The following MSL2 variants were observed in gnomAD, a reference collection of about 807,000 sequenced individuals.
The protein encoded by MSL2 is E3 ubiquitin-protein ligase MSL2.
A neutral mutation model predicts 35.8 loss-of-function variants in MSL2; 2 were observed. The ratio of observed to expected loss-of-function variants is 0.06; its 90% CI spans 0.02 to 0.18. The LOEUF (loss-of-function observed/expected upper bound fraction) is 0.18. Among genes scored for constraint, MSL2 ranks in the 10% least tolerant of loss-of-function variants. The pLI is 1.00. For missense variants in MSL2, 523 were observed against 706.7 expected (o/e 0.74, Z 2.95); for synonymous variants, 296 against 255.7 (o/e 1.16, Z -1.50).
intron 1 of MSL2, among the ~76,000 whole-genome samples, chr3:136,188,109 G>A (rs919856769): frequency 3.3e-5 from 5 of 152,036 alleles, no homozygotes; most frequent in African/African-American, 1.2e-4. Context: ...GTTTACACAA[G>A]CCAAAGGTTT....
rs140142625 is a variant in MSL2, at chr3:136,175,844, T to G, written c.142+19128A>C. Among the ~76,000 whole-genome samples, 296 of 152,304 alleles carry G rather than the reference T, an allele frequency of 1.9e-3. 2 individuals are homozygous for G. The highest frequency in any genetic ancestry group is 6.7e-3 in the African/African-American group (280 of 41,576). On this transcript the variant is annotated intron_variant, in intron 1 of 1. Transcript: ENST00000309993. Reference sequence around the variant, plus strand: ...ACATTTCTCCTTCCTCCATTACATATGTAAATAATTCCTGGGACCCAGCTA... The same window carrying G: ...ACATTTCTCCTTCCTCCATTACATAGGTAAATAATTCCTGGGACCCAGCTA...
At chr3:136,155,983 C>T (rs1190198857) in intron 1 of MSL2, 5 of 393,564 alleles carry the variant, frequency 1.3e-5, no homozygotes, top group Admixed American at 5.8e-5. Context: ...ATAATGAATA[C>T]ATTTCCATAA....
chr3:136,176,791 C>T (rs886537635), intron 1 of MSL2, among the ~76,000 whole-genome samples: 1 of 152,110 alleles, frequency 6.6e-6, no homozygotes, highest in African/African-American at 2.4e-5. Flanking sequence ...TTCTTGAGAC[C>T]CTCACCAGAA....
At position 136,152,110 on chromosome 3, in the gene MSL2, A is replaced by C; in HGVS notation, c.771T>G (p.Ser257Arg). Residue 257 changes from serine (S) to arginine (R), a missense_variant, in exon 2 of 2, where the codon AGT becomes AGG. Physicochemically the swap from Ser to Arg is moderately radical, Grantham distance 110. Transcript: ENST00000309993. ...CSTGIDICSF[S>R]EDIKPGDSLL... ...GAGAGTCTCCAGGTTTTATATCTTC[A>C]CTGAAACTGCAGATATCAATGCCTG... 2 of 1,614,168 alleles carry C rather than the reference A, an allele frequency of 1.2e-6. No individual in the cohort carries two copies. Among genetic ancestry groups the C allele is most frequent in the Non-Finnish European group, 1.7e-6 (2 of 1,180,036 alleles).
rs113406830 is a variant in MSL2 at position 136,168,698 on chromosome 3, C to G, written c.143-15960G>C. ...GCAGCAAACCACCATGGCACGTGTA[C>G]ACCTATGTAACAAACCTGCACGTTC... On this transcript the variant is annotated intron_variant, in intron 1 of 1. Transcript: ENST00000309993. 1.6e-4 allele frequency among the ~76,000 whole-genome samples: 25 copies of G among 151,912 alleles called. 1 individual carries two copies. The highest frequency in any genetic ancestry group is 6.0e-4 in the African/African-American group (25 of 41,422).
At chr3:136,160,690 C>T (rs1383475949) in intron 1 of MSL2, among the ~76,000 whole-genome samples, 1 of 148,672 alleles carries the variant, frequency 6.7e-6, no homozygotes, top group East Asian at 2.0e-4. Flanking sequence ...GCCTGGGAGA[C>T]ACAGCAAGCC....
chr3:136,178,431 AC>A (rs1407378088), intron 1 of MSL2, among the ~76,000 whole-genome samples: 2 of 152,122 alleles, frequency 1.3e-5, no homozygotes, highest in African/African-American at 4.8e-5. Flanking sequence ...TTGCTTTATT[AC>A]CCTCTTAAGA....
At chr3:136,194,889 G>C (rs768091813) in intron 1 of MSL2, 83 bp downstream of exon 1, 137 of 1,582,100 alleles carry the variant, frequency 8.7e-5, no homozygotes, top group Non-Finnish European at 1.2e-4. Flanking sequence ...CCAACCACCA[G>C]GCCGTCAACC....
intron 1 of MSL2, among the ~76,000 whole-genome samples, chr3:136,154,734 A>C (rs1211094167): frequency 6.6e-6 from 1 of 152,206 alleles, no homozygotes; most frequent in African/African-American, 2.4e-5. Flanking sequence ...TTTAGTGGGA[A>C]ATCTATAGCT....
In MSL2 at chr3:136,150,886, TCA is replaced by T; in HGVS notation, c.*259_*260del. ...TTAATGTTATTTTTCTTGCCAAAGTTCATTTTGTATAAATCAGTTGCATCAGC... is the reference window on the plus strand; with the variant it reads ...TTAATGTTATTTTTCTTGCCAAAGTTTTTTGTATAAATCAGTTGCATCAGC... On this transcript the variant is annotated 3_prime_UTR_variant, in exon 2 of 2. Coordinates refer to ENST00000309993, the MANE Select transcript of MSL2 (RefSeq NM_018133.4). 2.4e-6 allele frequency: 1 copy of T among 412,320 alleles called. No individual in the cohort carries two copies. The allele number at this position is 412,320 out of a possible 1,614,324, so 25.5% of individuals were successfully genotyped here.
At chr3:136,158,939 G>C (rs986366484) in intron 1 of MSL2, among the ~76,000 whole-genome samples, 8 of 152,160 alleles carry the variant, frequency 5.3e-5, no homozygotes, top group African/African-American at 1.7e-4. Flanking sequence ...AAACACAGCT[G>C]AAAGAAATTA....
intron 1 of MSL2, among the ~76,000 whole-genome samples, chr3:136,177,064 A>G (rs1019907186): frequency 1.1e-4 from 17 of 152,292 alleles, no homozygotes; most frequent in African/African-American, 4.1e-4. Flanking sequence ...ATTGAGCAGC[A>G]CTTAAAACCT....
intron 1 of MSL2, chr3:136,152,970 T>C (rs1337237753): frequency 1.0e-6 from 1 of 985,308 alleles, no homozygotes; most frequent in African/African-American, 1.7e-5. Context: ...CTTGATTCTG[T>C]GTCTCTCTCC....
chr3:136,150,085 A>G lies in MSL2; in HGVS notation c.*1062T>C, dbSNP rs1939307580. On this transcript the variant is annotated 3_prime_UTR_variant, in exon 2 of 2. Coordinates refer to ENST00000309993, the MANE Select transcript of MSL2 (RefSeq NM_018133.4). ...TGCTTTACATGCAAAAGAGCATTCT[A>G]AAGAAAATCCTCCTAGCTTCAACCT... The G allele has an allele frequency of 6.6e-6, 1 of 152,658 alleles. No homozygotes were observed. The highest frequency in any genetic ancestry group is 1.5e-5 in the Non-Finnish European group (1 of 68,042). The allele number at this position is 152,658 out of a possible 1,614,324, so 9.5% of individuals were successfully genotyped here.
In MSL2 at chr3:136,195,810, GTCC is replaced by G; in HGVS notation, c.-700_-698del. 2 of 984,958 alleles carry G rather than the reference GTCC, an allele frequency of 2.0e-6. No individual in the cohort carries two copies. Among genetic ancestry groups the G allele is most frequent in the South Asian group, 9.4e-5 (2 of 21,276 alleles). The allele number at this position is 984,958 out of a possible 1,614,324, so 61.0% of individuals were successfully genotyped here. Reference sequence around the variant, plus strand: ...CCCCGAGGTGGCGAGGCGGGCGGGAGTCCTCAACCCGGAGGGGAAGGCCGGGGA... The same window carrying G: ...CCCCGAGGTGGCGAGGCGGGCGGGAGTCAACCCGGAGGGGAAGGCCGGGGA... On this transcript the variant is annotated 5_prime_UTR_variant, in exon 1 of 2. Coordinates refer to ENST00000309993, the MANE Select transcript of MSL2 (RefSeq NM_018133.4).
At chr3:136,190,239 T>C (rs1426772819) in intron 1 of MSL2, among the ~76,000 whole-genome samples, 3 of 151,626 alleles carry the variant, frequency 2.0e-5, no homozygotes, top group South Asian at 2.1e-4. Flanking sequence ...TATTCATCTT[T>C]CTATCTTAGC....
chr3:136,193,987 A>C (rs891850831), intron 1 of MSL2, among the ~76,000 whole-genome samples: 1 of 152,194 alleles, frequency 6.6e-6, no homozygotes, highest in African/African-American at 2.4e-5. Context: ...ACTGTCCCAA[A>C]TTACTCTTCT....
chr3:136,195,853 C>T lies in MSL2; in HGVS notation c.-740G>A, dbSNP rs1940829117. ...AAGGCCGGGGAGGAAGTGCGCGGGC[C>T]GCCGCCGGCGGGCGGGAGGGGGCGG... On this transcript the variant is annotated 5_prime_UTR_variant, in exon 1 of 2. Transcript: ENST00000309993. The T allele has an allele frequency of 2.0e-6, 2 of 982,146 alleles. No individual in the cohort carries two copies. Among genetic ancestry groups the T allele is most frequent in the South Asian group, 9.4e-5 (2 of 21,240 alleles). 60.8% of individuals were successfully genotyped at this position (982,146 alleles called of 1,614,324 possible).
At chr3:136,178,095 C>A (rs1276994628) in intron 1 of MSL2, among the ~76,000 whole-genome samples, 1 of 151,918 alleles carries the variant, frequency 6.6e-6, no homozygotes, top group African/African-American at 2.4e-5. Context: ...CCACTCAGAC[C>A]CACAACATAT....
Sources: allele counts gnomAD v4.1 joint callset (sites outside exome capture counted in the v4.1 genomes callset), GRCh38; gene constraint gnomAD v4.1.1; transcripts MANE v1.5; gene names NCBI Gene and HGNC (gene_info 2026-07-23, HGNC 2026-07-21).